The following KIAA1217 variants were observed in gnomAD, a reference collection of about 807,000 sequenced individuals.
KIAA1217 encodes the protein KIAA1217, also known as sickle tail protein homolog.
Under a neutral mutation model 163.9 loss-of-function variants are expected in KIAA1217, and 88 were observed. That is an observed-to-expected ratio of 0.54 (90% CI 0.45 to 0.64). The LOEUF (loss-of-function observed/expected upper bound fraction) is 0.64. Ranked by LOEUF, KIAA1217 falls within the 30% of genes least tolerant of loss-of-function variation. The pLI is 0.00. For missense variants in KIAA1217, 2,372 were observed against 2,475.0 expected (o/e 0.96, Z 0.88); for synonymous variants, 903 against 923.1 (o/e 0.98, Z 0.39).
At chr10:23,875,002 C>T (rs996193456) in intron 1 of KIAA1217, among the ~76,000 whole-genome samples, 1 of 151,908 alleles carries the variant, frequency 6.6e-6, no homozygotes, top group Admixed American at 6.6e-5. Flanking sequence ...TATCACATGG[C>T]AAGAGCAGGA....
intron 1 of KIAA1217, among the ~76,000 whole-genome samples, chr10:23,774,668 C>T (rs1834934982): frequency 6.6e-6 from 1 of 151,960 alleles, no homozygotes; most frequent in Non-Finnish European, 1.5e-5. Context: ...CAGGGGTGTC[C>T]CCAGGCTGTC....
intron 1 of KIAA1217, among the ~76,000 whole-genome samples, chr10:23,860,998 C>T (rs1839926229): frequency 1.3e-5 from 2 of 151,822 alleles, no homozygotes; most frequent in Admixed American, 1.3e-4. Context: ...CTGCAGCCTC[C>T]ACCTCCTGAG....
chr10:24,502,241 T>A (rs1379432063), intron 9 of KIAA1217, among the ~76,000 whole-genome samples: 1 of 51,976 alleles, frequency 1.9e-5, no homozygotes, highest in South Asian at 6.0e-4. Context: ...TCAGCCAAGC[T>A]TTTTTTTTTT....
intron 16 of KIAA1217, 82 bp from the exon 17 acceptor site, chr10:24,536,692 C>A (rs992773760): frequency 6.8e-7 from 1 of 1,471,798 alleles, no homozygotes; most frequent in Non-Finnish European, 9.3e-7. Flanking sequence ...GGTCCACAAG[C>A]GTCTGGTTGT....
intron 6 of KIAA1217, among the ~76,000 whole-genome samples, chr10:24,489,274 G>C (rs2065800350): frequency 6.6e-6 from 1 of 151,880 alleles, no homozygotes; most frequent in Non-Finnish European, 1.5e-5. Context: ...TGGAGTCACT[G>C]GCTAAAAATC....
intron 1 of KIAA1217, among the ~76,000 whole-genome samples, chr10:23,942,065 A>G (rs1843797330): frequency 6.6e-6 from 1 of 152,204 alleles, no homozygotes; most frequent in South Asian, 2.1e-4. Context: ...TTTGATTAAT[A>G]ATATGAATAA....
intron 1 of KIAA1217, among the ~76,000 whole-genome samples, chr10:23,839,401 T>C (rs1838659596): frequency 6.6e-6 from 1 of 152,190 alleles, no homozygotes; most frequent in South Asian, 2.1e-4. Context: ...TTTTTCCTGT[T>C]TCTCTTCTTT....
intron 1 of KIAA1217, among the ~76,000 whole-genome samples, chr10:24,000,097 T>C (rs1417396074): frequency 1.3e-5 from 2 of 152,086 alleles, no homozygotes; most frequent in Non-Finnish European, 2.9e-5. Flanking sequence ...GTAAACCTCA[T>C]AAAAGTGTTG....
At chr10:24,517,202 T>C (rs906085764) in intron 10 of KIAA1217, among the ~76,000 whole-genome samples, 14 of 151,272 alleles carry the variant, frequency 9.3e-5, no homozygotes, top group African/African-American at 3.4e-4. Context: ...AAAATATCTA[T>C]ATACATATAT....
chr10:24,494,745 T>A, intron 7 of KIAA1217, 141 bp downstream of exon 7: 1 of 681,626 alleles, frequency 1.5e-6, no homozygotes. Context: ...TCATGGGCGT[T>A]ATTTTTTTGT....
chr10:24,390,043 A>G (rs567420431), intron 3 of KIAA1217, among the ~76,000 whole-genome samples: 15 of 152,324 alleles, frequency 9.8e-5, no homozygotes, highest in African/African-American at 3.6e-4. Context: ...AACCAGGTCT[A>G]TAGTCACCCA....
chr10:24,147,832 CAAAA>C (rs1176106711), intron 2 of KIAA1217, among the ~76,000 whole-genome samples: 61 of 20,750 alleles, frequency 2.9e-3, no homozygotes, highest in African/African-American at 8.5e-3. Context: ...TACTCTGTCT[CAAAA>C]AAAAAAAAAA....
chr10:24,204,432 C>T (rs904857739), upstream of KIAA1217, among the ~76,000 whole-genome samples: 3 of 152,072 alleles, frequency 2.0e-5, no homozygotes, highest in African/African-American at 4.8e-5. Flanking sequence ...TAATACGGTC[C>T]GTGTGAGGCT....
intron 2 of KIAA1217, among the ~76,000 whole-genome samples, chr10:24,185,571 G>A (rs1564802918): frequency 6.6e-6 from 1 of 152,112 alleles, no homozygotes; most frequent in Non-Finnish European, 1.5e-5. Context: ...GAGGTGGACG[G>A]ATTACTTGTG....
At chr10:24,440,978 T>C (rs2060453593) in intron 5 of KIAA1217, among the ~76,000 whole-genome samples, 1 of 152,238 alleles carries the variant, frequency 6.6e-6, no homozygotes, top group Non-Finnish European at 1.5e-5. Flanking sequence ...TTGATGAATG[T>C]GGCTGCATTG....
At chr10:24,411,115 AC>A (rs1388552348) in intron 3 of KIAA1217, among the ~76,000 whole-genome samples, 16 of 152,170 alleles carry the variant, frequency 1.1e-4, no homozygotes, top group Non-Finnish European at 2.2e-4. Flanking sequence ...TGAAATTCCA[AC>A]TATAGTGTTT....
At chr10:24,078,323 AG>A (rs1009260291) in intron 2 of KIAA1217, among the ~76,000 whole-genome samples, 6 of 152,188 alleles carry the variant, frequency 3.9e-5, no homozygotes, top group African/African-American at 1.4e-4. Context: ...GTGATGGAGC[AG>A]TGCCCTGGTG....
intron 1 of KIAA1217, among the ~76,000 whole-genome samples, chr10:23,765,237 C>G (rs1462781191): frequency 7.6e-6 from 1 of 131,322 alleles, no homozygotes; most frequent in Non-Finnish European, 1.6e-5. Flanking sequence ...CTCTGTCGCC[C>G]AGGCTGGAGT....
intron 1 of KIAA1217, among the ~76,000 whole-genome samples, chr10:23,704,576 G>A (rs1261449693): frequency 6.6e-6 from 1 of 151,920 alleles, no homozygotes; most frequent in African/African-American, 2.4e-5. Context: ...TTTTGTGATT[G>A]GCTTCTTTCA....
Sources: allele counts gnomAD v4.1 joint callset (sites outside exome capture counted in the v4.1 genomes callset), GRCh38; gene constraint gnomAD v4.1.1; transcripts MANE v1.5; gene names NCBI Gene and HGNC (gene_info 2026-07-23, HGNC 2026-07-21).